The following SYT14 variants were observed in gnomAD, a reference collection of about 807,000 sequenced individuals.
The protein encoded by SYT14 is synaptotagmin-14.
SYT14 carries 32 observed loss-of-function variants against 74.2 expected under a neutral mutation model. The observed-to-expected ratio is 0.43, with a 90% CI of 0.33 to 0.58. The LOEUF (loss-of-function observed/expected upper bound fraction) is 0.58, where lower values mean the gene tolerates loss of function less well. Ranked by LOEUF, SYT14 falls within the 20% of genes least tolerant of loss-of-function variation. The probability of loss-of-function intolerance (pLI) is 0.05; values close to 1 mark genes in which losing one functional copy is unlikely to be tolerated. For synonymous variants in SYT14, 298 were observed against 337.7 expected (o/e 0.88, Z 1.29); for missense variants, 791 against 981.8 (o/e 0.81, Z 2.60).
intron 7 of SYT14, among the ~76,000 whole-genome samples, chr1:210,109,576 C>CAAAA (rs11392476): frequency 2.3e-5 from 3 of 130,438 alleles, no homozygotes; most frequent in Admixed American, 7.4e-5. Flanking sequence ...GACTCTGTCT[C>CAAAA]AAAAAAAAAA....
exon 10 of SYT14, chr1:210,167,842 C>G (rs1287718010): frequency 6.6e-6 from 1 of 152,158 alleles, no homozygotes; most frequent in Non-Finnish European, 1.5e-5. Flanking sequence ...TCCCTTTCTT[C>G]TTCCCTGCCT....
chr1:210,013,310 G>T (rs1282445439), intron 2 of SYT14, among the ~76,000 whole-genome samples: 1 of 151,672 alleles, frequency 6.6e-6, no homozygotes, highest in Admixed American at 6.6e-5. Flanking sequence ...GCCTCAAGAG[G>T]TTCTCCCACT....
At chr1:210,131,727 C>T (rs914921733) in intron 7 of SYT14, among the ~76,000 whole-genome samples, 6 of 152,158 alleles carry the variant, frequency 3.9e-5, no homozygotes, top group African/African-American at 1.4e-4. Flanking sequence ...AGCATGGCTT[C>T]TGTTATCCTT....
chr1:210,150,348 C>T (rs775923269), intron 7 of SYT14, among the ~76,000 whole-genome samples: 20 of 152,132 alleles, frequency 1.3e-4, no homozygotes, highest in African/African-American at 2.2e-4. Flanking sequence ...TTGATACACT[C>T]GGTATTTTTA....
At position 210,155,198 on chromosome 1, in the gene SYT14, G is replaced by T. The variant is rs557187607; in HGVS notation, c.2035-523G>T. ...TGATTATTGCCTTAAAGCCAACCCT[G>T]ACTGATACTAATGTAACTACATCAA... On this transcript the variant is annotated intron_variant, in intron 7 of 9. Coordinates refer to ENST00000637265, the Ensembl canonical transcript of SYT14. Among the ~76,000 whole-genome samples the T allele has an allele frequency of 3.3e-5, 5 of 152,248 alleles. No individual in the cohort carries two copies. The South Asian group carries it at 8.3e-4, about 25-fold the overall frequency.
intron 5 of SYT14, among the ~76,000 whole-genome samples, chr1:210,081,425 A>G (rs184803435): frequency 6.6e-6 from 1 of 152,346 alleles, no homozygotes; most frequent in African/African-American, 2.4e-5. Flanking sequence ...AAGTAACACG[A>G]TATTTTTGGT....
At chr1:209,947,520 G>C (rs536874677) in intron 1 of SYT14, among the ~76,000 whole-genome samples, 5 of 152,318 alleles carry the variant, frequency 3.3e-5, no homozygotes, top group African/African-American at 1.2e-4. Flanking sequence ...ATTAGAAGTG[G>C]AGCCTGAATA....
exon 10 of SYT14, chr1:210,169,886 A>T (rs2083504615): frequency 6.6e-6 from 1 of 152,032 alleles, no homozygotes; most frequent in Non-Finnish European, 1.5e-5. Context: ...GGAAAAGCTC[A>T]ATTAGTGGAA....
At chr1:210,040,273 A>C (rs1248950782) in intron 5 of SYT14, among the ~76,000 whole-genome samples, 2 of 152,186 alleles carry the variant, frequency 1.3e-5, no homozygotes, top group Non-Finnish European at 2.9e-5. Context: ...CAGGAACAGA[A>C]AACCAAACAC....
chr1:210,008,098 A>G (rs1258411213), intron 2 of SYT14, among the ~76,000 whole-genome samples: 3 of 152,178 alleles, frequency 2.0e-5, no homozygotes, highest in Non-Finnish European at 4.4e-5. Context: ...TCTGTAAAAT[A>G]TGGTTGCAGT....
intron 4 of SYT14, among the ~76,000 whole-genome samples, chr1:210,019,186 G>A (rs536305915): frequency 6.9e-5 from 10 of 144,762 alleles, no homozygotes; most frequent in Non-Finnish European, 1.4e-4. Context: ...ATTTCTAAAT[G>A]TAGGTTATGT....
At chr1:210,129,374 C>T (rs1457080020) in intron 7 of SYT14, among the ~76,000 whole-genome samples, 2 of 152,284 alleles carry the variant, frequency 1.3e-5, no homozygotes, top group Non-Finnish European at 2.9e-5. Context: ...CTCCTTGTGT[C>T]TCACTGAGTT....
intron 4 of SYT14, among the ~76,000 whole-genome samples, chr1:210,018,013 T>TA (rs2080221719): frequency 6.6e-6 from 1 of 152,262 alleles, no homozygotes; most frequent in African/African-American, 2.4e-5. Flanking sequence ...ATCTGCTATT[T>TA]ATCTATTATA....
chr1:209,982,617 T>C (rs12136540), intron 2 of SYT14, among the ~76,000 whole-genome samples: 16,021 of 152,330 alleles, frequency 0.11, 1,151 homozygotes, highest in Middle Eastern at 0.16. Flanking sequence ...TCTTGGTTGC[T>C]TCCAAGTTTT....
chr1:210,022,603 A>G (rs2080326958), intron 5 of SYT14, among the ~76,000 whole-genome samples: 1 of 152,218 alleles, frequency 6.6e-6, no homozygotes, highest in African/African-American at 2.4e-5. Flanking sequence ...CTTTGGCAAT[A>G]TAGTTCATTG....
At chr1:210,053,612 A>AT (rs955119026) in intron 5 of SYT14, among the ~76,000 whole-genome samples, 1 of 152,344 alleles carries the variant, frequency 6.6e-6, no homozygotes, top group African/African-American at 2.4e-5. Flanking sequence ...TTGAACAGTA[A>AT]TAGGTAGCTT....
At chr1:210,012,612 G>C (rs925152172) in intron 2 of SYT14, among the ~76,000 whole-genome samples, 3 of 152,072 alleles carry the variant, frequency 2.0e-5, no homozygotes, top group African/African-American at 4.8e-5. Flanking sequence ...AAGAGTGATT[G>C]AAGCTTTTAG....
In SYT14 at chr1:210,122,188, C is replaced by T. The variant is rs1368151865; in HGVS notation, c.2034+21727C>T. ...AGAGACGGGGTTTCACCGTTTTAGC[C>T]GGGATGGTCTCGATCTCCTGACCTC... On this transcript the variant is annotated intron_variant, in intron 7 of 9. Coordinates refer to ENST00000637265, the Ensembl canonical transcript of SYT14. Among the ~76,000 whole-genome samples, 7 of 23,992 alleles carry T rather than the reference C, an allele frequency of 2.9e-4. 3 individuals carry two copies. The highest frequency in any genetic ancestry group is 2.0e-3 in the African/African-American group (5 of 2,516). The allele number at this position is 23,992 out of a possible 152,430, so 15.7% of individuals were successfully genotyped here.
intron 2 of SYT14, among the ~76,000 whole-genome samples, chr1:209,999,966 A>T (rs1023969240): frequency 1.3e-5 from 2 of 152,208 alleles, no homozygotes; most frequent in Non-Finnish European, 2.9e-5. Flanking sequence ...AAAGTACTCC[A>T]ACTTGGTCAT....
Sources: allele counts gnomAD v4.1 joint callset (sites outside exome capture counted in the v4.1 genomes callset), GRCh38; gene constraint gnomAD v4.1.1; transcripts MANE v1.5; gene names NCBI Gene and HGNC (gene_info 2026-07-23, HGNC 2026-07-21).